The following PALB2 variants were observed in gnomAD, a reference collection of about 807,000 sequenced individuals.
The protein encoded by PALB2 is mutant partner and localizer of BRCA2.
Under a neutral mutation model 107.4 loss-of-function variants are expected in PALB2, and 82 were observed. The observed-to-expected ratio is 0.76, with a 90% CI of 0.64 to 0.92. PALB2 has a LOEUF of 0.92. Among genes scored for constraint, PALB2 ranks in the 40% least tolerant of loss-of-function variants. The pLI is 0.00. For missense variants in PALB2, 1,374 were observed against 1,379.9 expected (o/e 1.00, Z 0.07); for synonymous variants, 489 against 496.8 (o/e 0.98, Z 0.21).
chr16:23,637,193 A>G (rs1187630205), intron 3 of PALB2, among the ~76,000 whole-genome samples: 1 of 152,150 alleles, frequency 6.6e-6, no homozygotes, highest in Non-Finnish European at 1.5e-5. Context: ...GGCTGCAGTG[A>G]GCTGTGATTG....
rs1032032416 is a variant in PALB2 at position 23,637,367 on chromosome 16, A to G, written c.211+483T>C. Among the ~76,000 whole-genome samples the G allele has an allele frequency of 2.0e-5, 3 of 152,252 alleles. No homozygotes were observed. In the South Asian group the frequency reaches 6.2e-4, roughly 32 times the overall value. ...AAAAGAATAAACAGTCTAACTGAAA[A>G]TAGAGACTATAGATTTTACGGCATA... On this transcript the variant is annotated intron_variant, in intron 3 of 12. Coordinates refer to ENST00000261584, the MANE Select transcript of PALB2 (RefSeq NM_024675.4).
intron 1 of PALB2, among the ~76,000 whole-genome samples, chr16:23,639,641 G>A (rs1322577717): frequency 1.3e-5 from 2 of 151,344 alleles, no homozygotes; most frequent in Non-Finnish European, 2.9e-5. Flanking sequence ...CCAACATGGA[G>A]AAACCCTGTC....
At chr16:23,628,552 A>G (rs891728952) in intron 6 of PALB2, among the ~76,000 whole-genome samples, 9 of 152,194 alleles carry the variant, frequency 5.9e-5, no homozygotes, top group Admixed American at 2.0e-4. Context: ...ATAAATCACC[A>G]TAAGTGATTC....
rs2142274718 is a variant in PALB2, at chr16:23,608,032, A to T, written c.3202-20T>A. ...AAGCCCCTAATTTCGGAGAAAAATA[A>T]ATATCCCAAATAGACTGTCAAGAGT... On this transcript the variant is annotated intron_variant, in intron 11 of 12. Coordinates refer to ENST00000261584, the MANE Select transcript of PALB2 (RefSeq NM_024675.4). The T allele has an allele frequency of 6.2e-7, 1 of 1,609,018 alleles. No individual in the cohort carries two copies. The highest frequency in any genetic ancestry group is 8.5e-7 in the Non-Finnish European group (1 of 1,175,368).
In PALB2 at chr16:23,638,055, A is replaced by T. The variant is rs544611459; in HGVS notation, c.108+15T>A. On this transcript the variant is annotated intron_variant, in intron 2 of 12. Coordinates refer to ENST00000261584, the MANE Select transcript of PALB2 (RefSeq NM_024675.4). ...TGTACTATAACACCTTAATTTGAGA[A>T]TACGATTCACTTACCTGAAGGCGGG... is the stretch of plus-strand genomic sequence containing the variant. The T allele has an allele frequency of 1.2e-6, 2 of 1,612,586 alleles. No individual in the cohort carries two copies. The highest frequency in any genetic ancestry group is 2.7e-5 in the African/African-American group (2 of 75,016).
chr16:23,623,256 T>C (rs1349200292), intron 8 of PALB2, 126 bp from the exon 9 acceptor site: 20 of 852,706 alleles, frequency 2.3e-5, no homozygotes, highest in African/African-American at 3.6e-5. Flanking sequence ...TAGGCTGGAG[T>C]GCAGTGGCAC....
At chr16:23,631,934 C>G (rs959513344) in intron 4 of PALB2, among the ~76,000 whole-genome samples, 1 of 152,172 alleles carries the variant, frequency 6.6e-6, no homozygotes, top group Admixed American at 6.5e-5. Context: ...GCAACCTCTG[C>G]CTCCCAGGCT....
rs1597096676 is a variant in PALB2 at position 23,635,326 on chromosome 16, T to C, written c.1220A>G (p.Glu407Gly). The change falls in exon 4 of 13, where the codon GAA (glutamate) becomes GGA (glycine). Residue 407 changes from glutamate to glycine, a missense_variant. Coordinates refer to ENST00000261584, the MANE Select transcript of PALB2 (RefSeq NM_024675.4). ...TVPEGLLFPA[E>G]YYVRTTRSMS... The stretch of plus-strand genomic sequence containing the variant: ...GCTTCGTGTTGTTCTAACATAATAT[T>C]CTGCAGGAAACAGAAGGCCTTCAGG... The C allele has an allele frequency of 2.5e-6, 4 of 1,614,108 alleles. No homozygotes were observed. The highest frequency in any genetic ancestry group is 1.6e-4 in the Middle Eastern group (1 of 6,062).
chr16:23,641,054 A>T (rs2142479814), intron 1 of PALB2, 56 bp downstream of exon 1: 1 of 1,598,636 alleles, frequency 6.3e-7, no homozygotes, highest in Non-Finnish European at 8.5e-7. Flanking sequence ...CCAGGCCTAA[A>T]ACCCTGGGAA....
At chr16:23,634,639 T>TTTTATTTTTTTATTTA (rs1555461107) in intron 4 of PALB2, among the ~76,000 whole-genome samples, 4 of 146,788 alleles carry the variant, frequency 2.7e-5, no homozygotes, top group African/African-American at 1.0e-4. Flanking sequence ...GTCTCTTTAT[T>TTTTATTTTTTTATTTA]TTTATTTATT....
intron 12 of PALB2, among the ~76,000 whole-genome samples, chr16:23,604,463 T>G (rs939336376): frequency 1.3e-5 from 2 of 152,220 alleles, no homozygotes; most frequent in African/African-American, 4.8e-5. Flanking sequence ...CAGGAGGTGC[T>G]CAATAAAAAT....
At chr16:23,619,051 T>TA (rs900638461) in intron 10 of PALB2, among the ~76,000 whole-genome samples, 15 of 150,914 alleles carry the variant, frequency 9.9e-5, no homozygotes, top group African/African-American at 3.2e-4. Context: ...CCATAGTGTT[T>TA]AAAAAAAAGA....
At chr16:23,636,377 A>C (rs757152377) in intron 3 of PALB2, 43 bp from the exon 4 acceptor site, 11 of 1,318,312 alleles carry the variant, frequency 8.3e-6, no homozygotes, top group Non-Finnish European at 1.0e-5. Flanking sequence ...TTTTCTTATA[A>C]AATAAAACAA....
chr16:23,622,972 C>T lies in PALB2; in HGVS notation c.2993G>A (p.Gly998Glu), dbSNP rs45551636. 0.02 allele frequency: 31,760 copies of T among 1,614,050 alleles called. 389 individuals carry two copies. Among genetic ancestry groups the T allele is most frequent in the Middle Eastern group, 0.039 (236 of 6,062 alleles). ...QVEVMTFAED[G>E]GGKENQFLMP... The stretch of plus-strand genomic sequence containing the variant: ...AATCAATCAATGCTTTTCTTACCCT[C>T]CATCTTCTGCAAACGTCATGACTTC... The change falls in exon 9 of 13, where the codon GGA becomes GAA. Residue 998 changes from glycine to glutamate, a missense_variant. Physicochemically the swap from Gly to Glu is moderately conservative, Grantham distance 98. Coordinates refer to ENST00000261584, the MANE Select transcript of PALB2 (RefSeq NM_024675.4).
chr16:23,627,613 TA>T (rs916193112), intron 6 of PALB2, among the ~76,000 whole-genome samples: 2 of 140,500 alleles, frequency 1.4e-5, no homozygotes, highest in East Asian at 2.2e-4. Context: ...ATAAGAACAA[TA>T]AAAAAAAGTA....
intron 6 of PALB2, among the ~76,000 whole-genome samples, chr16:23,627,625 G>A (rs191442420): frequency 0.013 from 2,048 of 151,848 alleles, 21 homozygotes; most frequent in Non-Finnish European, 0.021. Context: ...AAAAAAAGTA[G>A]GAAGGAATGA....
Position 23,641,081 on chromosome 16 carries a change from T to G in PALB2, c.48+29A>C, listed in dbSNP as rs748522775. ...CCCTGGGAAAGCGGGGTCAGAGTCC[T>G]GCGTCCGCCCTTCCCGCACCCCCGG... On this transcript the variant is annotated intron_variant, in intron 1 of 12. Transcript: ENST00000261584. 8 of 1,610,894 alleles carry G rather than the reference T, an allele frequency of 5.0e-6. No individual in the cohort carries two copies. In the East Asian group the frequency reaches 1.6e-4, roughly 31 times the overall value.
At chr16:23,624,509 G>T (rs548964776) in intron 7 of PALB2, among the ~76,000 whole-genome samples, 2 of 152,230 alleles carry the variant, frequency 1.3e-5, no homozygotes, top group African/African-American at 4.8e-5. Context: ...GACTCTACAG[G>T]AACAAGGAAA....
At chr16:23,608,043 T>G (rs1250654489) in intron 11 of PALB2, 31 bp from the exon 12 acceptor site, 2 of 1,604,258 alleles carry the variant, frequency 1.2e-6, no homozygotes. Context: ...ATATCCCAAA[T>G]AGACTGTCAA....
Sources: allele counts gnomAD v4.1 joint callset (sites outside exome capture counted in the v4.1 genomes callset), GRCh38; gene constraint gnomAD v4.1.1; transcripts MANE v1.5; gene names NCBI Gene and HGNC (gene_info 2026-07-23, HGNC 2026-07-21).